The following KCNH1 variants were observed in gnomAD, a reference collection of about 807,000 sequenced individuals.
KCNH1 encodes voltage-gated delayed rectifier potassium channel KCNH1.
Under a neutral mutation model 69.2 loss-of-function variants are expected in KCNH1, and 27 were observed. The ratio of observed to expected loss-of-function variants is 0.39; its 90% CI spans 0.29 to 0.54. The LOEUF (loss-of-function observed/expected upper bound fraction) is 0.54. Ranked by LOEUF, KCNH1 falls within the 20% of genes least tolerant of loss-of-function variation. The pLI, the probability that KCNH1 is intolerant of heterozygous loss-of-function variation, is 0.68. For missense variants in KCNH1, 798 were observed against 1,261.6 expected (o/e 0.63, Z 5.57); for synonymous variants, 456 against 487.7 (o/e 0.93, Z 0.86).
chr1:210,736,799 T>C (rs979925065), intron 10 of KCNH1, among the ~76,000 whole-genome samples: 1 of 152,144 alleles, frequency 6.6e-6, no homozygotes, highest in African/African-American at 2.4e-5. Context: ...CTGATTACCC[T>C]CCCAGATCAT....
chr1:210,856,656 A>AC, intron 7 of KCNH1, among the ~76,000 whole-genome samples: 1 of 150,410 alleles, frequency 6.6e-6, no homozygotes, highest in Middle Eastern at 3.4e-3. Context: ...ACCAGAGAGT[A>AC]CCCCCTCATC....
At chr1:210,805,093 A>T (rs761431540) in intron 7 of KCNH1, among the ~76,000 whole-genome samples, 11 of 152,152 alleles carry the variant, frequency 7.2e-5, no homozygotes, top group Non-Finnish European at 1.6e-4. Context: ...TGTGACCATG[A>T]TTTACCAGAC....
rs953935677 is a variant in KCNH1, at chr1:210,825,401, A to T, written c.1463-21235T>A. ...TATGTTATTAAGTGAAACTGGCTTT[A>T]AAAAATATATGAGTACATGGCAGTG... is the stretch of plus-strand genomic sequence containing the variant. On this transcript the variant is annotated intron_variant, in intron 7 of 10. Coordinates refer to ENST00000271751, the MANE Select transcript of KCNH1 (RefSeq NM_172362.3). Among the ~76,000 whole-genome samples, 4 of 152,226 alleles carry T rather than the reference A, an allele frequency of 2.6e-5. No individual in the cohort carries two copies. The East Asian group carries it at 7.7e-4, about 29-fold the overall frequency.
At chr1:210,758,130 G>T (rs1683438398) in intron 10 of KCNH1, among the ~76,000 whole-genome samples, 1 of 152,194 alleles carries the variant, frequency 6.6e-6, no homozygotes. Flanking sequence ...CACCTGAGAG[G>T]GGCCCTACCT....
At chr1:211,070,780 C>T (rs1690628240) in intron 5 of KCNH1, among the ~76,000 whole-genome samples, 2 of 147,082 alleles carry the variant, frequency 1.4e-5, no homozygotes, top group Admixed American at 6.9e-5. Context: ...CAAGATCATG[C>T]AATTGTTCTC....
In KCNH1 at chr1:211,045,045, T is replaced by TATAG. The variant is rs1553374046; in HGVS notation, c.559-25790_559-25789insCTAT. Among the ~76,000 whole-genome samples the TATAG allele has an allele frequency of 7.8e-4, 99 of 127,076 alleles. 5 individuals are homozygous for TATAG. Among genetic ancestry groups the TATAG allele is most frequent in the African/African-American group, 2.5e-3 (90 of 35,740 alleles). 83.4% of individuals were successfully genotyped at this position (127,076 alleles called of 152,430 possible). A position where few individuals can be genotyped will look rare whatever the true frequency, so the allele number is the denominator to read the frequency against. On this transcript the variant is annotated intron_variant, in intron 5 of 10. Transcript: ENST00000271751. ...ATGTGTGGATAAATTGTGGGGGATA[T>TATAG]ATATATATATATATGAATAATAGAA...
chr1:211,013,849 G>A (rs1271399199), intron 6 of KCNH1, among the ~76,000 whole-genome samples: 1 of 152,108 alleles, frequency 6.6e-6, no homozygotes, highest in Non-Finnish European at 1.5e-5. Flanking sequence ...GTTCAGTGCA[G>A]CTTCTTCACT....
chr1:211,032,667 G>A (rs190924567), intron 5 of KCNH1, among the ~76,000 whole-genome samples: 8 of 151,998 alleles, frequency 5.3e-5, no homozygotes, highest in Middle Eastern at 3.2e-3. Context: ...GGGGAAAGGA[G>A]TCCCTATTTA....
intron 5 of KCNH1, among the ~76,000 whole-genome samples, chr1:211,045,756 T>C (rs1690085504): frequency 6.6e-6 from 1 of 152,182 alleles, no homozygotes; most frequent in South Asian, 2.1e-4. Flanking sequence ...TTAACTATAG[T>C]CACTATGCTA....
chr1:211,131,674 T>C (rs1691878056), intron 1 of KCNH1, among the ~76,000 whole-genome samples: 1 of 152,240 alleles, frequency 6.6e-6, no homozygotes, highest in Admixed American at 6.5e-5. Flanking sequence ...GATATTGTGA[T>C]ATTTCTAGGA....
intron 10 of KCNH1, among the ~76,000 whole-genome samples, chr1:210,732,344 G>T (rs565796237): frequency 6.6e-5 from 10 of 152,032 alleles, no homozygotes; most frequent in Non-Finnish European, 7.4e-5. Context: ...AGAGGTACCT[G>T]GGAGATAGTG....
chr1:210,794,674 C>A (rs1199528203), intron 9 of KCNH1, among the ~76,000 whole-genome samples: 1 of 152,156 alleles, frequency 6.6e-6, no homozygotes, highest in African/African-American at 2.4e-5. Context: ...CCTAGTAATG[C>A]AGCTGTGTGT....
At chr1:210,755,077 C>T (rs550817188) in intron 10 of KCNH1, among the ~76,000 whole-genome samples, 22 of 152,004 alleles carry the variant, frequency 1.4e-4, no homozygotes, top group East Asian at 3.9e-4. Context: ...CAGCTGCTTA[C>T]GCTTTAGTCC....
chr1:210,861,709 T>A, intron 7 of KCNH1: 1 of 774,590 alleles, frequency 1.3e-6, no homozygotes, highest in South Asian at 1.3e-5. Flanking sequence ...GACAGACTGA[T>A]CAGACTGGTC....
chr1:210,909,473 C>G (rs547961905), intron 7 of KCNH1, among the ~76,000 whole-genome samples: 1 of 152,318 alleles, frequency 6.6e-6, no homozygotes, highest in African/African-American at 2.4e-5. Flanking sequence ...GAACACTAGG[C>G]AGAAACAAAG....
chr1:210,946,219 A>G (rs1487461434), intron 6 of KCNH1, among the ~76,000 whole-genome samples: 1 of 152,156 alleles, frequency 6.6e-6, no homozygotes, highest in Non-Finnish European at 1.5e-5. Context: ...GAATATTCCT[A>G]GGGGTCTGAG....
At chr1:211,098,092 T>C (rs183435231) in intron 3 of KCNH1, among the ~76,000 whole-genome samples, 1 of 151,694 alleles carries the variant, frequency 6.6e-6, no homozygotes, top group African/African-American at 2.4e-5. Flanking sequence ...TAGAGATGGG[T>C]GGATGGCTTG....
At chr1:211,131,166 G>A (rs550454883) in intron 1 of KCNH1, among the ~76,000 whole-genome samples, 1 of 151,980 alleles carries the variant, frequency 6.6e-6, no homozygotes, top group Non-Finnish European at 1.5e-5. Flanking sequence ...TGATGGGGAA[G>A]GAGAGGCAGA....
chr1:211,080,468 C>T (rs565474579), intron 5 of KCNH1, among the ~76,000 whole-genome samples: 4 of 152,344 alleles, frequency 2.6e-5, no homozygotes, highest in Non-Finnish European at 4.4e-5. Flanking sequence ...GAAAAAACTA[C>T]TTTAAAGTTC....
Sources: allele counts gnomAD v4.1 joint callset (sites outside exome capture counted in the v4.1 genomes callset), GRCh38; gene constraint gnomAD v4.1.1; transcripts MANE v1.5; gene names NCBI Gene and HGNC (gene_info 2026-07-23, HGNC 2026-07-21).